The following GFAP variants were observed in gnomAD, a reference collection of about 807,000 sequenced individuals.
GFAP encodes glial fibrillary acidic protein.
Under a neutral mutation model 49.3 loss-of-function variants are expected in GFAP, and 38 were observed. The ratio of observed to expected loss-of-function variants is 0.77; its 90% CI spans 0.60 to 1.01. The LOEUF is 1.01. Among genes scored for constraint, GFAP ranks in the 50% least tolerant of loss-of-function variants. GFAP has a pLI of 0.00. For synonymous variants in GFAP, 222 were observed against 236.4 expected (o/e 0.94, Z 0.56); for missense variants, 463 against 579.1 (o/e 0.80, Z 2.06).
At chr17:44,914,143 C>T (rs2051849905) in intron 1 of GFAP, 55 bp from the exon 2 acceptor site, 3 of 1,271,412 alleles carry the variant, frequency 2.4e-6, no homozygotes, top group Non-Finnish European at 3.4e-6. Flanking sequence ...CACTTGAATA[C>T]CTGCCTCAGT....
Position 44,904,793 on chromosome 17 carries a change from G to A in GFAP, c.*2554C>T, listed in dbSNP as rs976896886. ...GAAGGGTGTCAACAGGTCCATGAGG[G>A]TGTTCATTGACCACGGCAACCAGCT... On this transcript the variant is annotated 3_prime_UTR_variant, in exon 9 of 9. Transcript: ENST00000588735. The A allele has an allele frequency of 1.3e-6, 2 of 1,550,616 alleles. No homozygotes were observed. Among genetic ancestry groups the A allele is most frequent in the East Asian group, 2.4e-5 (1 of 40,912 alleles).
Position 44,913,439 on chromosome 17 carries a change from G to T in GFAP, c.619-9C>A. 6.2e-7 allele frequency: 1 copy of T among 1,613,658 alleles called. No individual in the cohort carries two copies. Among genetic ancestry groups the T allele is most frequent in the South Asian group, 1.1e-5 (1 of 91,036 alleles). Reference sequence around the variant, plus strand: ...TGGAGTTCCCGAACCTCCTGACCAGGGTGAGAGAAGCGGTACCAGGGCTCA... The same window carrying T: ...TGGAGTTCCCGAACCTCCTGACCAGTGTGAGAGAAGCGGTACCAGGGCTCA... On this transcript the variant is annotated splice_polypyrimidine_tract_variant and intron_variant, in intron 3 of 8. Transcript: ENST00000588735.
chr17:44,911,131 G>C, intron 6 of GFAP, 105 bp downstream of exon 6: 1 of 993,022 alleles, frequency 1.0e-6, no homozygotes, highest in African/African-American at 1.6e-5. Context: ...GGTGGGAAGG[G>C]ATCTGCACAC....
chr17:44,908,337 G>A lies in GFAP; in HGVS notation c.1172-188C>T, dbSNP rs3816277. 659 of 356,028 alleles carry A rather than the reference G, an allele frequency of 1.9e-3. 4 individuals carry two copies. The highest frequency in any genetic ancestry group is 0.015 in the East Asian group (375 of 24,448). 22.1% of individuals were successfully genotyped at this position (356,028 alleles called of 1,614,324 possible). ...CCAAATCCCAATAGTGCTGCTGCCA[G>A]AGTCCTGGCTGCTCTGTCTTCTGGC... On this transcript the variant is annotated intron_variant, in intron 7 of 8. Coordinates refer to ENST00000588735, the MANE Select transcript of GFAP (RefSeq NM_002055.5).
At chr17:44,911,555 G>C (rs2051767589) in intron 5 of GFAP, 99 bp from the exon 6 acceptor site, 1 of 1,561,732 alleles carries the variant, frequency 6.4e-7, no homozygotes, top group Non-Finnish European at 8.7e-7. Context: ...TAGCCCGGGG[G>C]TAACGTTCAG....
At chr17:44,914,382 CA>C in intron 1 of GFAP, 1 of 461,980 alleles carries the variant, frequency 2.2e-6, no homozygotes, top group Non-Finnish European at 3.9e-6. Context: ...CACACACACA[CA>C]CGCACATGTC....
chr17:44,909,626 C>CG (rs2051713927), intron 7 of GFAP: 6 of 126,660 alleles, frequency 4.7e-5, no homozygotes, highest in African/African-American at 1.9e-4. Flanking sequence ...CCCCTCCCCC[C>CG]GCCCCGCCCG....
intron 1 of GFAP, 150 bp downstream of exon 1, chr17:44,914,876 T>G: frequency 1.5e-6 from 1 of 680,644 alleles, no homozygotes; most frequent in Non-Finnish European, 2.5e-6. Flanking sequence ...CCTCCCATCA[T>G]GTTGGGGGGC....
rs931578844 is a variant in GFAP, at chr17:44,903,173, CA to C, written c.*4173del. ...GCCTCCACTCATAAAAGGGAAAAAGCAAAATCTTTATGGTAAACAAACACTG... is the reference window on the plus strand; with the variant it reads ...GCCTCCACTCATAAAAGGGAAAAAGCAAATCTTTATGGTAAACAAACACTG... On this transcript the variant is annotated 3_prime_UTR_variant, in exon 9 of 9. Transcript: ENST00000588735. 5.7e-5 allele frequency: 72 copies of C among 1,266,678 alleles called. No individual in the cohort carries two copies. Among genetic ancestry groups the C allele is most frequent in the Non-Finnish European group, 6.9e-5 (70 of 1,008,258 alleles). 78.5% of individuals were successfully genotyped at this position (1,266,678 alleles called of 1,614,324 possible).
At chr17:44,907,497 C>G (rs1039945990) in intron 8 of GFAP, 109 bp from the exon 9 acceptor site, 3 of 777,704 alleles carry the variant, frequency 3.9e-6, no homozygotes, top group Non-Finnish European at 6.9e-6. Flanking sequence ...CTTCCCAGGT[C>G]TTACTTTTCT....
chr17:44,908,423 G>A (rs2051688362), intron 7 of GFAP: 1 of 381,076 alleles, frequency 2.6e-6, no homozygotes, highest in Admixed American at 4.3e-5. Context: ...TGAAAACCCA[G>A]CACGGTATTG....
At chr17:44,908,042 C>G in intron 8 of GFAP, 22 bp downstream of exon 8, 1 of 1,550,600 alleles carries the variant, frequency 6.4e-7, no homozygotes, top group Non-Finnish European at 8.9e-7. Flanking sequence ...CAGAGCCTGA[C>G]TGGGCCCAAA....
At chr17:44,914,004 G>T in intron 2 of GFAP, 24 bp downstream of exon 2, 6 of 1,488,180 alleles carry the variant, frequency 4.0e-6, no homozygotes, top group Non-Finnish European at 5.5e-6. Context: ...TCCCTCCCCT[G>T]CCCCTCCCCT....
Position 44,904,073 on chromosome 17 carries a change from T to C in GFAP, c.*3274A>G. 1.3e-6 allele frequency: 2 copies of C among 1,550,638 alleles called. No homozygotes were observed. Among genetic ancestry groups the C allele is most frequent in the Non-Finnish European group, 1.7e-6 (2 of 1,147,018 alleles). ...CAGCCACACCAAAGTGCTGACGGAC[T>C]TTGATGGGCGGGTGCTGACGGAGGC... On this transcript the variant is annotated 3_prime_UTR_variant, in exon 9 of 9. Coordinates refer to ENST00000588735, the MANE Select transcript of GFAP (RefSeq NM_002055.5).
chr17:44,909,898 G>C (rs1387676537), intron 7 of GFAP: 1 of 1,369,090 alleles, frequency 7.3e-7, no homozygotes, highest in South Asian at 1.7e-5. Context: ...CCCCAGAGCA[G>C]CTCCACTGCG....
In GFAP at chr17:44,913,322, C is replaced by A; in HGVS notation, c.727G>T (p.Glu243Ter). 1 of 1,614,200 alleles carries A rather than the reference C, an allele frequency of 6.2e-7. No homozygotes were observed. The highest frequency in any genetic ancestry group is 8.5e-7 in the Non-Finnish European group (1 of 1,180,020). Residue 243 changes from glutamate (E) to a stop codon, truncating the protein, a stop_gained, in exon 4 of 9, where the codon GAG (glutamate) becomes TAG (stop). Coordinates refer to ENST00000588735, the MANE Select transcript of GFAP (RefSeq NM_002055.5). LOFTEE classifies it high-confidence loss of function. ...AALKEIRTQY[E>*]AMASSNMHEA... ...TGCATGTTGCTGGACGCCATTGCCT[C>A]ATACTGCGTGCGGATCTCTTTCAGG...
rs1490038746 is a variant in GFAP, at chr17:44,905,068, CT to C, written c.*2278del. ...TTCACTGTTGTCCCAGCTTCTCCCC[CT>C]AGGAGCTCTCTTCAGCTCTGAAGAC... On this transcript the variant is annotated 3_prime_UTR_variant, in exon 9 of 9. Coordinates refer to ENST00000588735, the MANE Select transcript of GFAP (RefSeq NM_002055.5). 3 of 1,535,052 alleles carry C rather than the reference CT, an allele frequency of 2.0e-6. No individual in the cohort carries two copies. Among genetic ancestry groups the C allele is most frequent in the South Asian group, 1.2e-5 (1 of 81,874 alleles).
Position 44,903,374 on chromosome 17 carries a change from C to T in GFAP, c.*3973G>A. ...AGCCATCAGCTCAGGTCCAGCCAGC[C>T]TCCCGGATGGCCAGATATGCAGGAG... On this transcript the variant is annotated 3_prime_UTR_variant, in exon 9 of 9. Coordinates refer to ENST00000588735, the MANE Select transcript of GFAP (RefSeq NM_002055.5). The T allele has an allele frequency of 8.0e-7, 1 of 1,248,722 alleles. No individual in the cohort carries two copies. The highest frequency in any genetic ancestry group is 1.0e-6 in the Non-Finnish European group (1 of 997,844). 77.4% of individuals were successfully genotyped at this position (1,248,722 alleles called of 1,614,324 possible). A position where few individuals can be genotyped will look rare whatever the true frequency, so the allele number is the denominator to read the frequency against.
intron 1 of GFAP, 150 bp from the exon 2 acceptor site, chr17:44,914,238 C>T: frequency 1.6e-6 from 1 of 633,330 alleles, no homozygotes; most frequent in Non-Finnish European, 2.9e-6. Flanking sequence ...GGGCCTTAGA[C>T]AGAGGACTTG....
Sources: allele counts gnomAD v4.1 joint callset, GRCh38; gene constraint gnomAD v4.1.1; transcripts MANE v1.5; gene names NCBI Gene and HGNC (gene_info 2026-07-23, HGNC 2026-07-21).